The following APLF variants were observed in gnomAD, a reference collection of about 807,000 sequenced individuals.
APLF encodes aprataxin and PNK-like factor.
APLF carries 61 observed loss-of-function variants against 55.6 expected under a neutral mutation model. That is an observed-to-expected ratio of 1.10 (90% confidence interval 0.89 to 1.36). The LOEUF (loss-of-function observed/expected upper bound fraction) is 1.36. APLF is among the 40% of genes most tolerant of loss of function. The pLI, the probability that APLF is intolerant of heterozygous loss-of-function variation, is 0.00. For missense variants in APLF, 611 were observed against 602.5 expected (o/e 1.01, Z -0.15); for synonymous variants, 207 against 214.8 (o/e 0.96, Z 0.32).
At chr2:68,470,426 G>A (rs1183166357) in intron 1 of APLF, among the ~76,000 whole-genome samples, 2 of 152,142 alleles carry the variant, frequency 1.3e-5, no homozygotes, top group East Asian at 3.8e-4. Context: ...ATCTTAGGTT[G>A]ATATATTGTA....
chr2:68,558,670 A>C (rs1001764060), intron 8 of APLF, among the ~76,000 whole-genome samples: 6 of 152,062 alleles, frequency 3.9e-5, no homozygotes, highest in African/African-American at 1.4e-4. Context: ...GTACATGTGC[A>C]GGATGCACAG....
At chr2:68,565,291 G>T (rs917148116) in intron 8 of APLF, among the ~76,000 whole-genome samples, 1 of 151,972 alleles carries the variant, frequency 6.6e-6, no homozygotes, top group Non-Finnish European at 1.5e-5. Flanking sequence ...AACAAATTAT[G>T]ATGGAGGGAC....
intron 8 of APLF, among the ~76,000 whole-genome samples, chr2:68,562,103 C>A (rs1275238879): frequency 1.3e-5 from 2 of 151,778 alleles, no homozygotes; most frequent in African/African-American, 2.4e-5. Context: ...GGTAGATGAA[C>A]CTAGAGAACA....
At position 68,579,241 on chromosome 2, in the gene APLF, G is replaced by A. The variant is rs765102488; in HGVS notation, c.*1219G>A. The A allele has an allele frequency of 3.3e-5, 27 of 813,972 alleles. No individual in the cohort carries two copies. Among genetic ancestry groups the A allele is most frequent in the Non-Finnish European group, 3.7e-5 (25 of 674,302 alleles). The allele number at this position is 813,972 out of a possible 1,614,324, so 50.4% of individuals were successfully genotyped here. ...CAATATTTAATATTTACTTAAACTGGAACAAGAATAAGATAAACATTTCTC... is the reference window on the plus strand; with the variant it reads ...CAATATTTAATATTTACTTAAACTGAAACAAGAATAAGATAAACATTTCTC... On this transcript the variant is annotated 3_prime_UTR_variant, in exon 10 of 10. Coordinates refer to ENST00000303795, the MANE Select transcript of APLF (RefSeq NM_173545.3).
chr2:68,546,284 T>C (rs1277762760), intron 8 of APLF, among the ~76,000 whole-genome samples: 6 of 152,056 alleles, frequency 3.9e-5, no homozygotes, highest in Non-Finnish European at 8.8e-5. Context: ...ATTTAAAGCT[T>C]TCCACAAAGA....
In APLF at chr2:68,547,078, G is replaced by C. The variant is rs148122213; in HGVS notation, c.1286+1766G>C. On this transcript the variant is annotated intron_variant, in intron 8 of 9. Transcript: ENST00000303795. ...CAAAAATCAATATATAAAACCAATT[G>C]TATTTGTATATTCCAGCATTAACCG... Among the ~76,000 whole-genome samples the C allele has an allele frequency of 2.1e-3, 325 of 151,672 alleles. 1 individual carries two copies. The highest frequency in any genetic ancestry group is 7.3e-3 in the African/African-American group (304 of 41,442).
intron 1 of APLF, among the ~76,000 whole-genome samples, chr2:68,474,899 C>T (rs1675725805): frequency 6.6e-6 from 1 of 152,136 alleles, no homozygotes; most frequent in South Asian, 2.1e-4. Context: ...AACTCCTGAC[C>T]TTAGGTGATC....
chr2:68,511,165 T>C (rs974261314), intron 3 of APLF, among the ~76,000 whole-genome samples: 2 of 151,788 alleles, frequency 1.3e-5, no homozygotes, highest in African/African-American at 4.8e-5. Flanking sequence ...ATGAATCTTA[T>C]GACTATATGG....
At position 68,562,340 on chromosome 2, in the gene APLF, T is replaced by G. The variant is rs557409740; in HGVS notation, c.1287-5001T>G. On this transcript the variant is annotated intron_variant, in intron 8 of 9. Coordinates refer to ENST00000303795, the MANE Select transcript of APLF (RefSeq NM_173545.3). ...TTTTGAAGGAAAAAGGTTGATTATA[T>G]TCTAATAGATGGACTGATCTGTGAA... is the stretch of plus-strand genomic sequence containing the variant. Among the ~76,000 whole-genome samples the G allele has an allele frequency of 3.9e-5, 6 of 152,186 alleles. No homozygotes were observed. In the South Asian group the frequency reaches 1.2e-3, roughly 32 times the overall value.
At chr2:68,558,143 A>G (rs2104045755) in intron 8 of APLF, among the ~76,000 whole-genome samples, 1 of 152,204 alleles carries the variant, frequency 6.6e-6, no homozygotes, top group East Asian at 1.9e-4. Flanking sequence ...AACAACATCA[A>G]TTATATTCAT....
intron 1 of APLF, among the ~76,000 whole-genome samples, chr2:68,488,054 A>G (rs1676238913): frequency 6.6e-6 from 1 of 152,190 alleles, no homozygotes; most frequent in African/African-American, 2.4e-5. Flanking sequence ...GGAAAAGTTC[A>G]TGTATTGCTT....
chr2:68,532,727 T>C (rs1268336479), intron 6 of APLF, among the ~76,000 whole-genome samples: 1 of 152,256 alleles, frequency 6.6e-6, no homozygotes, highest in Non-Finnish European at 1.5e-5. Context: ...TATGTGACTT[T>C]CTAATTTAGA....
intron 6 of APLF, among the ~76,000 whole-genome samples, chr2:68,534,342 G>A (rs1436926376): frequency 5.9e-5 from 9 of 152,266 alleles, no homozygotes; most frequent in East Asian, 5.8e-4. Flanking sequence ...AGTCTTTAGC[G>A]TTAGTCAGTG....
chr2:68,518,981 T>C (rs1301523006), intron 5 of APLF, among the ~76,000 whole-genome samples: 2 of 123,260 alleles, frequency 1.6e-5, no homozygotes, highest in Admixed American at 1.9e-4. Flanking sequence ...ATGCTATTAA[T>C]ATACAATATC....
At chr2:68,530,838 A>G (rs1212572865) in intron 6 of APLF, among the ~76,000 whole-genome samples, 1 of 152,134 alleles carries the variant, frequency 6.6e-6, no homozygotes, top group Non-Finnish European at 1.5e-5. Context: ...GAGAATTGAA[A>G]CCATCTATAT....
intron 1 of APLF, among the ~76,000 whole-genome samples, chr2:68,484,768 G>T (rs1174054371): frequency 1.3e-5 from 2 of 151,826 alleles, no homozygotes; most frequent in Non-Finnish European, 2.9e-5. Context: ...AGGCCCAGGT[G>T]GGCAGATCAC....
chr2:68,565,617 A>C (rs1671288806), intron 8 of APLF, among the ~76,000 whole-genome samples: 1 of 152,100 alleles, frequency 6.6e-6, no homozygotes, highest in East Asian at 1.9e-4. Context: ...CAAGAAGACA[A>C]ATATTTTTCA....
intron 3 of APLF, among the ~76,000 whole-genome samples, chr2:68,509,200 C>T (rs1267158595): frequency 6.6e-6 from 1 of 152,052 alleles, no homozygotes; most frequent in East Asian, 1.9e-4. Flanking sequence ...GCAATGGTAA[C>T]AAAAGCCAAA....
intron 7 of APLF, among the ~76,000 whole-genome samples, chr2:68,541,999 A>G (rs1670566176): frequency 6.6e-6 from 1 of 152,186 alleles, no homozygotes; most frequent in Admixed American, 6.6e-5. Context: ...ATATATGGTT[A>G]AATAATTTTC....
Sources: allele counts gnomAD v4.1 joint callset (sites outside exome capture counted in the v4.1 genomes callset), GRCh38; gene constraint gnomAD v4.1.1; transcripts MANE v1.5; gene names NCBI Gene and HGNC (gene_info 2026-07-23, HGNC 2026-07-21).